The following MCC variants were observed in gnomAD, a reference collection of about 807,000 sequenced individuals.
MCC encodes the protein MCC regulator of Wnt signaling pathway, also known as colorectal mutant cancer protein.
MCC carries 90 observed loss-of-function variants against 116.2 expected under a neutral mutation model. The observed-to-expected ratio is 0.77, with a 90% confidence interval of 0.65 to 0.92. The LOEUF is 0.92. Among genes scored for constraint, MCC ranks in the 40% least tolerant of loss-of-function variants. The pLI is 0.00. For synonymous variants in MCC, 578 were observed against 510.5 expected (o/e 1.13, Z -1.78); for missense variants, 1,516 against 1,312.2 (o/e 1.16, Z -2.40).
chr5:113,070,786 A>T (rs1212724195), intron 12 of MCC, among the ~76,000 whole-genome samples: 1 of 152,258 alleles, frequency 6.6e-6, no homozygotes, highest in Admixed American at 6.5e-5. Flanking sequence ...TAACAATGTA[A>T]ATTACATATG....
intron 3 of MCC, chr5:113,294,204 C>A (rs117730061): frequency 2.6e-6 from 3 of 1,168,672 alleles, no homozygotes; most frequent in Non-Finnish European, 3.6e-6. Context: ...TCTTCAATTG[C>A]GCTGCCTCCA....
At chr5:113,259,338 T>C (rs1042609133) in intron 3 of MCC, among the ~76,000 whole-genome samples, 1 of 152,140 alleles carries the variant, frequency 6.6e-6, no homozygotes, top group Non-Finnish European at 1.5e-5. Flanking sequence ...TTTTGCCAAA[T>C]ACCAATTATT....
intron 3 of MCC, among the ~76,000 whole-genome samples, chr5:113,213,599 C>A (rs528217567): frequency 6.6e-6 from 1 of 152,316 alleles, no homozygotes; most frequent in East Asian, 1.9e-4. Context: ...CACTGACAAG[C>A]GGCTTTGACA....
At chr5:113,314,448 C>T (rs925118209) in intron 3 of MCC, among the ~76,000 whole-genome samples, 1 of 152,176 alleles carries the variant, frequency 6.6e-6, no homozygotes, top group African/African-American at 2.4e-5. Flanking sequence ...AGCAGCTTCA[C>T]CTGAAAGAAC....
At chr5:113,452,510 G>A (rs1480999036) in intron 1 of MCC, among the ~76,000 whole-genome samples, 1 of 152,190 alleles carries the variant, frequency 6.6e-6, no homozygotes, top group Admixed American at 6.5e-5. Context: ...AAGACAGCAA[G>A]CCATCTATGA....
intron 5 of MCC, among the ~76,000 whole-genome samples, chr5:113,140,125 C>T (rs1325324594): frequency 6.6e-6 from 1 of 152,148 alleles, no homozygotes; most frequent in Non-Finnish European, 1.5e-5. Context: ...TGGTGCTTTA[C>T]TTGTATCTTT....
intron 1 of MCC, among the ~76,000 whole-genome samples, chr5:113,410,151 T>C (rs1769943066): frequency 6.6e-6 from 1 of 152,198 alleles, no homozygotes; most frequent in African/African-American, 2.4e-5. Context: ...ACTAGTGTAC[T>C]CCATGTAGCA....
intron 3 of MCC, among the ~76,000 whole-genome samples, chr5:113,284,339 G>A (rs1766165524): frequency 6.6e-6 from 1 of 152,184 alleles, no homozygotes; most frequent in Admixed American, 6.5e-5. Context: ...CTACTGCAGG[G>A]GTGGCAGGTT....
At chr5:113,071,386 C>G in intron 11 of MCC, 152 bp from the exon 12 acceptor site, 2 of 802,984 alleles carry the variant, frequency 2.5e-6, no homozygotes, top group Admixed American at 2.4e-5. Context: ...AGAAGCAACT[C>G]TACATAAAAG....
chr5:113,056,032 C>A, intron 14 of MCC, among the ~76,000 whole-genome samples: 1 of 152,302 alleles, frequency 6.6e-6, no homozygotes, highest in African/African-American at 2.4e-5. Flanking sequence ...TAAAATAAAT[C>A]ACTGTTTGCG....
intron 3 of MCC, among the ~76,000 whole-genome samples, chr5:113,165,831 T>G (rs891693197): frequency 6.6e-6 from 1 of 152,108 alleles, no homozygotes; most frequent in East Asian, 1.9e-4. Flanking sequence ...GGGGAGCTTT[T>G]GGGTAATCAC....
intron 1 of MCC, among the ~76,000 whole-genome samples, chr5:113,461,256 G>C (rs1771733298): frequency 6.6e-6 from 1 of 151,984 alleles, no homozygotes; most frequent in African/African-American, 2.4e-5. Flanking sequence ...CCAAGACCCT[G>C]ACTTAAAAAA....
At chr5:113,407,581 T>G (rs1158142587) in intron 1 of MCC, among the ~76,000 whole-genome samples, 1 of 152,164 alleles carries the variant, frequency 6.6e-6, no homozygotes, top group Non-Finnish European at 1.5e-5. Flanking sequence ...TTAAATAATT[T>G]TAGACTTGCA....
rs145980546 is a variant in MCC at position 113,359,765 on chromosome 5, G to C, written c.416-19035C>G. Among the ~76,000 whole-genome samples, 198 of 152,264 alleles carry C rather than the reference G, an allele frequency of 1.3e-3. 3 individuals are homozygous for C. Among genetic ancestry groups the C allele is most frequent in the African/African-American group, 4.1e-3 (170 of 41,548 alleles). ...GGGGAAGGAGCATTAAAATGAAGAGGTATTAAAGCAAATAAATTGACTTTC... is the reference window on the plus strand; with the variant it reads ...GGGGAAGGAGCATTAAAATGAAGAGCTATTAAAGCAAATAAATTGACTTTC... On this transcript the variant is annotated intron_variant, in intron 2 of 18. Coordinates refer to ENST00000408903, the MANE Select transcript of MCC (RefSeq NM_001085377.2).
intron 17 of MCC, among the ~76,000 whole-genome samples, chr5:113,032,503 T>C (rs1019184794): frequency 1.3e-5 from 2 of 152,170 alleles, no homozygotes; most frequent in Middle Eastern, 3.4e-3. Flanking sequence ...TTCATGTGTG[T>C]CTCTACTTTT....
intron 17 of MCC, among the ~76,000 whole-genome samples, chr5:113,036,904 G>A (rs756437419): frequency 1.4e-4 from 22 of 152,298 alleles, no homozygotes; most frequent in Middle Eastern, 3.4e-3. Flanking sequence ...GTTTATTTGC[G>A]TGCTAATGAA....
At chr5:113,194,854 T>C (rs1351245184) in intron 3 of MCC, among the ~76,000 whole-genome samples, 1 of 152,154 alleles carries the variant, frequency 6.6e-6, no homozygotes, top group Non-Finnish European at 1.5e-5. Flanking sequence ...AGATGTAGTG[T>C]ACAAAGCAAA....
intron 3 of MCC, among the ~76,000 whole-genome samples, chr5:113,182,563 T>C (rs1761683786): frequency 6.6e-6 from 1 of 151,804 alleles, no homozygotes; most frequent in Non-Finnish European, 1.5e-5. Flanking sequence ...ACCACTGCAC[T>C]CTAGCCTGAC....
intron 1 of MCC, among the ~76,000 whole-genome samples, chr5:113,423,384 C>A (rs1054232127): frequency 2.6e-5 from 4 of 152,136 alleles, no homozygotes; most frequent in African/African-American, 9.7e-5. Context: ...TTAAAAAGAA[C>A]CTATACATAA....
Sources: gnomAD v4.1 joint callset for allele counts (sites outside exome capture counted in the v4.1 genomes callset) on GRCh38, gnomAD v4.1.1 for gene constraint, MANE v1.5 for transcripts, NCBI Gene and HGNC (gene_info 2026-07-23, HGNC 2026-07-21) for gene names.